Variants in ELOVL5 observed in about 807,000 individuals in gnomAD.
ELOVL5 encodes ELOVL fatty acid elongase 5.
Under a neutral mutation model 38.6 loss-of-function variants are expected in ELOVL5, and 8 were observed. The observed-to-expected ratio is 0.21, with a 90% CI of 0.12 to 0.37. The LOEUF is 0.37. ELOVL5 is among the 10% of genes least tolerant of loss of function. The pLI, the probability that ELOVL5 is intolerant of heterozygous loss-of-function variation, is 1.00. For synonymous variants in ELOVL5, 127 were observed against 133.7 expected (o/e 0.95, Z 0.34); for missense variants, 280 against 367.8 (o/e 0.76, Z 1.95).
chr6:53,278,973 C>T (rs530372432), intron 3 of ELOVL5, among the ~76,000 whole-genome samples: 4 of 152,320 alleles, frequency 2.6e-5, no homozygotes, highest in Admixed American at 2.6e-4. Flanking sequence ...CCCCTACGTG[C>T]ACACAAATTG....
rs1765833430 is a variant in ELOVL5, at chr6:53,269,147, T to C, written c.880A>G (p.Arg294Gly). Residue 294 changes from arginine (R) to glycine (G), a missense_variant, in exon 8 of 8, where the codon AGG becomes GGG. By Grantham distance (125) the Arg-to-Gly change is moderately radical. Transcript: ENST00000304434. ...TGACTTCAATCCTTCCGCAGCTTCC[T>C]TGGCTTCACATTGTTTTCCAGGGGT... is the stretch of plus-strand genomic sequence containing the variant. ...FSPLENNVKPRKLRKD is the reference protein window; with the variant it reads ...FSPLENNVKPGKLRKD 5 of 1,613,858 alleles carry C rather than the reference T, an allele frequency of 3.1e-6. No homozygotes were observed. Among genetic ancestry groups the C allele is most frequent in the Admixed American group, 1.7e-5 (1 of 59,970 alleles).
intron 3 of ELOVL5, among the ~76,000 whole-genome samples, chr6:53,282,148 T>C (rs78977967): frequency 2.0e-5 from 3 of 152,238 alleles, no homozygotes; most frequent in African/African-American, 7.2e-5. Flanking sequence ...ACTATCTGTC[T>C]TTGCTATGAT....
At chr6:53,312,786 T>C (rs2127583314) in intron 1 of ELOVL5, among the ~76,000 whole-genome samples, 1 of 152,362 alleles carries the variant, frequency 6.6e-6, no homozygotes, top group African/African-American at 2.4e-5. Flanking sequence ...GCTGAGCATT[T>C]GATTTTTTAA....
chr6:53,343,581 A>G (rs1769417624), intron 1 of ELOVL5, among the ~76,000 whole-genome samples: 1 of 152,208 alleles, frequency 6.6e-6, no homozygotes, highest in African/African-American at 2.4e-5. Context: ...CAGAAACAAA[A>G]CAAAAATAAA....
chr6:53,338,392 G>C (rs186727852), intron 1 of ELOVL5, among the ~76,000 whole-genome samples: 4 of 152,300 alleles, frequency 2.6e-5, no homozygotes, highest in Admixed American at 2.0e-4. Flanking sequence ...CCTTGCAAAA[G>C]GAAGAAAAGG....
Position 53,267,724 on chromosome 6 carries a change from A to G in ELOVL5, c.*1403T>C, listed in dbSNP as rs1253221155. The G allele has an allele frequency of 6.6e-6, 1 of 152,662 alleles. No homozygotes were observed. The highest frequency in any genetic ancestry group is 6.5e-5 in the Admixed American group (1 of 15,284). The allele number at this position is 152,662 out of a possible 1,614,324, so 9.5% of individuals were successfully genotyped here. ...ATGGTAAACTGATATTTACATAAAT[A>G]TCAAACCAACAATTAGTTTATACAT... On this transcript the variant is annotated 3_prime_UTR_variant, in exon 8 of 8. Coordinates refer to ENST00000304434, the MANE Select transcript of ELOVL5 (RefSeq NM_021814.5).
At chr6:53,301,526 G>A (rs77594075) in intron 1 of ELOVL5, among the ~76,000 whole-genome samples, 2 of 152,222 alleles carry the variant, frequency 1.3e-5, no homozygotes, top group Non-Finnish European at 2.9e-5. Context: ...CCAAAGCATC[G>A]ATTCCCATCC....
In ELOVL5 at chr6:53,303,641, A is replaced by G. The variant is rs79663358; in HGVS notation, c.-8-7934T>C. Among the ~76,000 whole-genome samples the G allele has an allele frequency of 8.3e-4, 127 of 152,372 alleles. No individual in the cohort carries two copies. The East Asian group carries it at 0.02, about 24-fold the overall frequency. ...TGCCACAGGTTAGCTCCACGGCTGA[A>G]GAAGGCAGAACAACCTCATTCCGGT... On this transcript the variant is annotated intron_variant, in intron 1 of 7. Coordinates refer to ENST00000304434, the MANE Select transcript of ELOVL5 (RefSeq NM_021814.5).
chr6:53,289,092 A>C (rs995516811), intron 3 of ELOVL5, among the ~76,000 whole-genome samples: 49 of 152,252 alleles, frequency 3.2e-4, no homozygotes, highest in African/African-American at 1.1e-3. Flanking sequence ...TGTCTCCTTT[A>C]AGTGACAGTT....
intron 1 of ELOVL5, among the ~76,000 whole-genome samples, chr6:53,318,643 G>A (rs1168207188): frequency 6.6e-6 from 1 of 152,084 alleles, no homozygotes; most frequent in Non-Finnish European, 1.5e-5. Flanking sequence ...AGAAGGCTGA[G>A]GTGAGAGGAT....
At chr6:53,347,455 G>T (rs907854685) in intron 1 of ELOVL5, among the ~76,000 whole-genome samples, 2 of 152,170 alleles carry the variant, frequency 1.3e-5, no homozygotes, top group Non-Finnish European at 2.9e-5. Flanking sequence ...TCTATCTGTA[G>T]ATTCTGCACG....
intron 2 of ELOVL5, chr6:53,294,213 C>G (rs1766890185): frequency 6.7e-7 from 1 of 1,484,406 alleles, no homozygotes; most frequent in Non-Finnish European, 9.0e-7. Flanking sequence ...GACCCGAACT[C>G]CAGCCCCAGG....
chr6:53,323,076 T>C (rs968316451), intron 1 of ELOVL5, among the ~76,000 whole-genome samples: 11 of 152,212 alleles, frequency 7.2e-5, no homozygotes, highest in African/African-American at 2.7e-4. Flanking sequence ...CCTGCACTTG[T>C]TGGAAAATGG....
intron 3 of ELOVL5, chr6:53,277,781 T>G (rs114925450): frequency 6.6e-6 from 1 of 152,156 alleles, no homozygotes; most frequent in Non-Finnish European, 1.5e-5. Flanking sequence ...CCAAAGTGCG[T>G]TGGAGGTCGG....
At chr6:53,270,894 C>A (rs755349868) in intron 6 of ELOVL5, among the ~76,000 whole-genome samples, 167 bp from the exon 7 acceptor site, 13 of 152,222 alleles carry the variant, frequency 8.5e-5, no homozygotes, top group Non-Finnish European at 1.8e-4. Flanking sequence ...CTATACTTAT[C>A]CTAAACTCTA....
intron 3 of ELOVL5, among the ~76,000 whole-genome samples, chr6:53,288,093 A>G (rs913716685): frequency 2.6e-5 from 4 of 152,202 alleles, no homozygotes; most frequent in African/African-American, 9.7e-5. Flanking sequence ...AAAGGAGTTA[A>G]AAGTGGCTTT....
In ELOVL5 at chr6:53,330,517, C is replaced by CTTT. The variant is rs757160862; in HGVS notation, c.-9+18297_-9+18299dup. Among the ~76,000 whole-genome samples the CTTT allele has an allele frequency of 1.6e-3, 144 of 91,414 alleles. 9 individuals carry two copies. Among genetic ancestry groups the CTTT allele is most frequent in the East Asian group, 5.3e-3 (14 of 2,666 alleles). 60.0% of individuals were successfully genotyped at this position (91,414 alleles called of 152,430 possible). A position where few individuals can be genotyped will look rare whatever the true frequency, so the allele number is the denominator to read the frequency against. ...ATGGTAACATTTTTTTCTTTATAAA[C>CTTT]TTTTTTTTTTTTTTTTTTTTTTTTA... is the stretch of plus-strand genomic sequence containing the variant. On this transcript the variant is annotated intron_variant, in intron 1 of 7. Transcript: ENST00000304434.
intron 1 of ELOVL5, among the ~76,000 whole-genome samples, chr6:53,329,789 A>G (rs916313079): frequency 1.3e-5 from 2 of 152,214 alleles, no homozygotes; most frequent in African/African-American, 2.4e-5. Context: ...ATGCCATCGC[A>G]CTCAGCCTGG....
intron 1 of ELOVL5, among the ~76,000 whole-genome samples, chr6:53,333,709 T>C (rs1768906703): frequency 6.6e-6 from 1 of 152,228 alleles, no homozygotes; most frequent in Non-Finnish European, 1.5e-5. Flanking sequence ...CTTATTTCCC[T>C]TTCTGGAGAA....
Sources: gnomAD v4.1 joint callset for allele counts (sites outside exome capture counted in the v4.1 genomes callset) on GRCh38, gnomAD v4.1.1 for gene constraint, MANE v1.5 for transcripts, NCBI Gene and HGNC (gene_info 2026-07-23, HGNC 2026-07-21) for gene names.